ANOS1: variants seen among roughly 807,000 people sequenced by gnomAD.
ANOS1 encodes anosmin-1.
Under a neutral mutation model 59.0 loss-of-function variants are expected in ANOS1, and 6 were observed. That is an observed-to-expected ratio of 0.10 (90% CI 0.06 to 0.20). The LOEUF (loss-of-function observed/expected upper bound fraction) is 0.20, where lower values mean the gene tolerates loss of function less well. ANOS1 is among the 10% of genes least tolerant of loss of function. The pLI, the probability that ANOS1 is intolerant of heterozygous loss-of-function variation, is 1.00. For missense variants in ANOS1, 433 were observed against 542.3 expected (o/e 0.80, Z 2.00); for synonymous variants, 217 against 223.4 (o/e 0.97, Z 0.25).
At chrX:8,662,751 G>A (rs1184203085) in intron 2 of ANOS1, among the ~76,000 whole-genome samples, 2 of 112,459 alleles carry the variant, frequency 1.8e-5, no homozygotes, top group African/African-American at 3.2e-5. Flanking sequence ...GCCAGGTGCC[G>A]TGGCTCACGC....
At chrX:8,551,269 A>T (rs142302948) in intron 9 of ANOS1, among the ~76,000 whole-genome samples, 84 of 112,469 alleles carry the variant, frequency 7.5e-4, no homozygotes, top group African/African-American at 2.4e-3. Flanking sequence ...CCTTTGTATG[A>T]AAAAGGATTT....
At chrX:8,543,076 G>C (rs2146790820) in intron 9 of ANOS1, among the ~76,000 whole-genome samples, 1 of 106,893 alleles carries the variant, frequency 9.4e-6, no homozygotes, top group Non-Finnish European at 1.9e-5. Context: ...CCTATTTGCT[G>C]TCACTGTTGC....
At position 8,731,929 on chromosome X, in the gene ANOS1, G is replaced by C. The variant is rs774659014; in HGVS notation, c.108C>G (p.Asp36Glu). Residue 36 changes from aspartate (D) to glutamate (E), a missense_variant, in exon 1 of 14, where the codon GAC (aspartate) becomes GAG (glutamate). Coordinates refer to ENST00000262648, the MANE Select transcript of ANOS1 (RefSeq NM_000216.4). ...GGACGCTCCCGGCAGACAGCGACTC[G>C]TCCAGCCGCCGCGCAGCAGCCGCGC... The part of the protein sequence containing the change: ...GPGAAAARRL[D>E]ESLSAGSVQR... The C allele has an allele frequency of 1.7e-6, 2 of 1,150,773 alleles. No homozygotes were observed. Among genetic ancestry groups the C allele is most frequent in the South Asian group, 3.9e-5 (2 of 50,695 alleles). 94.8% of individuals were successfully genotyped at this position (1,150,773 alleles called of 1,213,427 possible).
At chrX:8,585,211 T>C in intron 6 of ANOS1, 56 bp downstream of exon 6, 10 of 1,151,334 alleles carry the variant, frequency 8.7e-6, no homozygotes, top group South Asian at 1.8e-5. Context: ...CTGCATTCCA[T>C]GTGTGCCTGG....
intron 2 of ANOS1, among the ~76,000 whole-genome samples, chrX:8,634,233 GA>G (rs916884582): frequency 1.8e-5 from 2 of 109,788 alleles, no homozygotes; most frequent in African/African-American, 6.6e-5. Flanking sequence ...CAAATGATTG[GA>G]AAAAAATGAT....
At chrX:8,671,171 G>C (rs1457001172) in intron 2 of ANOS1, among the ~76,000 whole-genome samples, 1 of 111,354 alleles carries the variant, frequency 9.0e-6, no homozygotes, top group Non-Finnish European at 1.9e-5. Context: ...GAATATAAAA[G>C]ACTTGATCCT....
At position 8,697,354 on chromosome X, in the gene ANOS1, C is replaced by T. The variant is rs374884186; in HGVS notation, c.255+2344G>A. Among the ~76,000 whole-genome samples the T allele has an allele frequency of 4.5e-5, 5 of 111,875 alleles. No homozygotes were observed. In the South Asian group the frequency reaches 1.1e-3, roughly 25 times the overall value. On this transcript the variant is annotated intron_variant, in intron 2 of 13. Coordinates refer to ENST00000262648, the MANE Select transcript of ANOS1 (RefSeq NM_000216.4). ...GCTTTGGATTTTAGTCTGAGTGAGA[C>T]GGAAATGAATCATTAGGTTTAAGGT...
chrX:8,688,111 C>T (rs753977707), intron 2 of ANOS1, among the ~76,000 whole-genome samples: 9 of 111,811 alleles, frequency 8.0e-5, no homozygotes, highest in Non-Finnish European at 1.7e-4. Context: ...TGTGGACCCC[C>T]CTTAAATTCA....
At chrX:8,679,351 C>T (rs1932384503) in intron 2 of ANOS1, among the ~76,000 whole-genome samples, 1 of 110,636 alleles carries the variant, frequency 9.0e-6, no homozygotes, top group African/African-American at 3.3e-5. Flanking sequence ...TCAGAGTACT[C>T]GAATTCATAG....
intron 3 of ANOS1, among the ~76,000 whole-genome samples, chrX:8,606,182 A>G (rs771568750): frequency 8.0e-5 from 9 of 112,700 alleles, no homozygotes; most frequent in African/African-American, 1.3e-4. Context: ...TCATGCATAA[A>G]CTTAAAGAAA....
At chrX:8,538,736 A>G (rs1205384819) in intron 10 of ANOS1, among the ~76,000 whole-genome samples, 1 of 112,461 alleles carries the variant, frequency 8.9e-6, no homozygotes, top group African/African-American at 3.2e-5. Context: ...TTAAGGATAA[A>G]TACAAGGAGA....
chrX:8,594,755 T>C (rs1199294528), intron 4 of ANOS1, among the ~76,000 whole-genome samples: 7 of 82,242 alleles, frequency 8.5e-5, no homozygotes, highest in African/African-American at 2.3e-4. Context: ...TATATACATA[T>C]ATATATATAT....
intron 1 of ANOS1, among the ~76,000 whole-genome samples, chrX:8,709,349 A>C (rs186136402): frequency 8.9e-6 from 1 of 112,513 alleles, no homozygotes; most frequent in East Asian, 2.8e-4. Context: ...GTCTTTAAGA[A>C]AACAAATGTC....
intron 7 of ANOS1, among the ~76,000 whole-genome samples, chrX:8,569,486 C>T (rs1039964744): frequency 7.9e-4 from 88 of 110,972 alleles, no homozygotes; most frequent in Non-Finnish European, 1.5e-3. Context: ...ACTAAAAATA[C>T]AAAAAATTAG....
Position 8,531,547 on chromosome X carries a change from G to GA in ANOS1, c.*1447dup, listed in dbSNP as rs1929497631. On this transcript the variant is annotated 3_prime_UTR_variant, in exon 14 of 14. Coordinates refer to ENST00000262648, the MANE Select transcript of ANOS1 (RefSeq NM_000216.4). Reference sequence around the variant, plus strand: ...ATTTTGATAAATTGCTCTTTTCTCAGAATCAGCATTGATGGGGAAAATATA... The same window carrying GA: ...ATTTTGATAAATTGCTCTTTTCTCAGAAATCAGCATTGATGGGGAAAATATA... The GA allele has an allele frequency of 9.0e-6, 1 of 111,512 alleles. No individual in the cohort carries two copies. The highest frequency in any genetic ancestry group is 3.3e-5 in the African/African-American group (1 of 30,709). The allele number at this position is 111,512 out of a possible 1,213,427, so 9.2% of individuals were successfully genotyped here.
rs931339722 is a variant in ANOS1 at position 8,710,573 on chromosome X, G to A, written c.208-10828C>T. On this transcript the variant is annotated intron_variant, in intron 1 of 13. Coordinates refer to ENST00000262648, the MANE Select transcript of ANOS1 (RefSeq NM_000216.4). ...TGAGGGCCATTCAATCCATCTTCTT[G>A]GTGAAAACAAGACAAATGTAACTCG... 3.6e-5 allele frequency among the ~76,000 whole-genome samples: 4 copies of A among 111,689 alleles called. No homozygotes were observed. In the South Asian group the frequency reaches 1.1e-3, roughly 31 times the overall value.
At chrX:8,543,241 C>T (rs35474984) in intron 9 of ANOS1, among the ~76,000 whole-genome samples, 4,611 of 109,397 alleles carry the variant, frequency 0.042, 342 homozygotes, top group African/African-American at 0.15. Flanking sequence ...ATCTAAGACA[C>T]GGAAGAAAGT....
intron 2 of ANOS1, among the ~76,000 whole-genome samples, chrX:8,675,290 T>A (rs1343230146): frequency 8.9e-6 from 1 of 112,083 alleles, no homozygotes; most frequent in Admixed American, 9.5e-5. Flanking sequence ...GGCATCATTT[T>A]TAGGCCAAAA....
At chrX:8,582,980 G>A (rs1930451408) in intron 6 of ANOS1, among the ~76,000 whole-genome samples, 1 of 111,913 alleles carries the variant, frequency 8.9e-6, no homozygotes, top group Admixed American at 9.5e-5. Context: ...ACTGCTGCAA[G>A]AGCAGCATTG....
Sources: allele counts gnomAD v4.1 joint callset (sites outside exome capture counted in the v4.1 genomes callset), GRCh38; gene constraint gnomAD v4.1.1; transcripts MANE v1.5; gene names NCBI Gene and HGNC (gene_info 2026-07-23, HGNC 2026-07-21).